Variants in SEMA4D observed in about 807,000 individuals in gnomAD.
The protein encoded by SEMA4D is semaphorin-4D.
Under a neutral mutation model 74.8 loss-of-function variants are expected in SEMA4D, and 22 were observed. That is an observed-to-expected ratio of 0.29 (90% CI 0.21 to 0.42). The LOEUF is 0.42. Among genes scored for constraint, SEMA4D ranks in the 10% least tolerant of loss-of-function variants. The probability of loss-of-function intolerance (pLI) is 1.00; values close to 1 mark genes in which losing one functional copy is unlikely to be tolerated. For missense variants in SEMA4D, 937 were observed against 1,118.4 expected, an observed-to-expected ratio of 0.84 and a Z score of 2.31; for synonymous variants, 445 against 463.7, an observed-to-expected ratio of 0.96 and a Z score of 0.52.
At chr9:89,371,701 GGGAT>G (rs1834880924) in intron 16 of SEMA4D, among the ~76,000 whole-genome samples, 1 of 95,274 alleles carries the variant, frequency 1.0e-5, no homozygotes, top group African/African-American at 4.4e-5. Flanking sequence ...TGATGTGTGT[GGGAT>G]GTGTCTGGGG....
At chr9:89,402,819 G>A in intron 4 of SEMA4D, 52 bp downstream of exon 4, 1 of 1,579,596 alleles carries the variant, frequency 6.3e-7, no homozygotes. Flanking sequence ...GCCAGGAGAG[G>A]CTGCCCACTC....
intron 2 of SEMA4D, among the ~76,000 whole-genome samples, chr9:89,412,210 C>G (rs1266707443): frequency 6.6e-6 from 1 of 152,126 alleles, no homozygotes; most frequent in Non-Finnish European, 1.5e-5. Flanking sequence ...GGGCCAGACC[C>G]GGAGAGGACA....
At chr9:89,396,292 T>C (rs1219307058) in intron 6 of SEMA4D, among the ~76,000 whole-genome samples, 1 of 152,182 alleles carries the variant, frequency 6.6e-6, no homozygotes, top group Non-Finnish European at 1.5e-5. Context: ...AAGTCCTGAC[T>C]TTTCCACCTG....
At chr9:89,377,234 A>C, downstream of SEMA4D, 1 of 822,170 alleles carries the variant, frequency 1.2e-6, no homozygotes, top group Non-Finnish European at 1.7e-6. Flanking sequence ...TCTTCCCCAA[A>C]TCAAGGATAG....
exon 19 of SEMA4D, chr9:89,361,651 A>G (rs539427645): frequency 1.1e-4 from 16 of 152,356 alleles, no homozygotes; most frequent in African/African-American, 3.6e-4. Context: ...TAATTGACCT[A>G]TTTGGCTTTC....
chr9:89,430,405 T>A (rs962363331), intron 2 of SEMA4D, among the ~76,000 whole-genome samples: 6 of 152,120 alleles, frequency 3.9e-5, no homozygotes, highest in Admixed American at 1.3e-4. Context: ...TGACTGCCTC[T>A]CTAGGGGTGG....
At chr9:89,388,539 G>A in intron 11 of SEMA4D, 97 bp downstream of exon 11, 1 of 1,455,174 alleles carries the variant, frequency 6.9e-7, no homozygotes, top group Non-Finnish European at 9.1e-7. Context: ...GGCGTGGCCA[G>A]GTACCCAGCC....
intron 13 of SEMA4D, among the ~76,000 whole-genome samples, chr9:89,383,378 G>A (rs1370543581): frequency 2.3e-4 from 35 of 152,182 alleles, no homozygotes; most frequent in Non-Finnish European, 2.9e-5. Flanking sequence ...GAGTCATACA[G>A]ATGCCCCATC....
intron 2 of SEMA4D, chr9:89,450,659 G>GAAAAAACAAAAAAAAAAAAAAAAAAAAAA (rs1564832883): frequency 2.6e-6 from 1 of 384,212 alleles, no homozygotes. Flanking sequence ...GAAAAACCCA[G>GAAAAAACAAAAAAAAAAAAAAAAAAAAAA]GAAAAAAAAA....
chr9:89,434,029 G>A (rs548439700), intron 2 of SEMA4D, among the ~76,000 whole-genome samples: 14 of 152,342 alleles, frequency 9.2e-5, no homozygotes, highest in South Asian at 8.3e-4. Flanking sequence ...GGACTGCCCC[G>A]CTCTGGGGAG....
At chr9:89,363,269 C>G (rs998189899) in intron 18 of SEMA4D, among the ~76,000 whole-genome samples, 1 of 151,972 alleles carries the variant, frequency 6.6e-6, no homozygotes, top group Non-Finnish European at 1.5e-5. Context: ...GTGGGATTTC[C>G]CCCCCCAGTG....
At chr9:89,476,874 G>A (rs1346375434) in intron 1 of SEMA4D, among the ~76,000 whole-genome samples, 1 of 152,118 alleles carries the variant, frequency 6.6e-6, no homozygotes, top group Admixed American at 6.5e-5. Context: ...GCCTGTGAAG[G>A]ATCTAGGCAC....
chr9:89,365,519 G>C (rs1223811041), intron 16 of SEMA4D: 5 of 152,234 alleles, frequency 3.3e-5, no homozygotes, highest in African/African-American at 7.2e-5. Context: ...ATGACACCTC[G>C]TAAGAATTGG....
chr9:89,378,066 G>A lies in SEMA4D; in HGVS notation c.*638C>T, dbSNP rs1465821897. ...GAAAGAATGCATTTAGCAAAAGGAA[G>A]TTTATCCCTGAGAATCTTAAGCAAC... On this transcript the variant is annotated 3_prime_UTR_variant, in exon 16 of 16. Coordinates refer to ENST00000422704, the MANE Select transcript of SEMA4D (RefSeq NM_001371194.2). 6.6e-6 allele frequency: 1 copy of A among 152,278 alleles called. No individual in the cohort carries two copies. Among genetic ancestry groups the A allele is most frequent in the Non-Finnish European group, 1.5e-5 (1 of 68,008 alleles). The allele number at this position is 152,278 out of a possible 1,614,324, so 9.4% of individuals were successfully genotyped here.
chr9:89,434,934 T>C (rs1426117842), intron 2 of SEMA4D, among the ~76,000 whole-genome samples: 1 of 152,224 alleles, frequency 6.6e-6, no homozygotes, highest in Admixed American at 6.5e-5. Context: ...CAATAGTTCT[T>C]GATTTTTTTC....
chr9:89,404,537 G>A (rs1842854330), intron 3 of SEMA4D, among the ~76,000 whole-genome samples: 1 of 108,776 alleles, frequency 9.2e-6, no homozygotes, highest in African/African-American at 2.7e-5. Flanking sequence ...AGGAAGTGGA[G>A]TTCCTGTCCC....
intron 16 of SEMA4D, chr9:89,364,951 C>CGG (rs979775892): frequency 1.7e-5 from 1 of 59,594 alleles, no homozygotes; most frequent in Non-Finnish European, 3.4e-5. Flanking sequence ...GGGTTTTGGG[C>CGG]GGGGGGGAGG....
downstream of SEMA4D, among the ~76,000 whole-genome samples, chr9:89,376,055 G>A (rs1419147290): frequency 6.6e-6 from 1 of 152,162 alleles, no homozygotes; most frequent in Non-Finnish European, 1.5e-5. Flanking sequence ...TCAAGCTGCT[G>A]TGAAACTCCT....
At chr9:89,406,611 C>A (rs1288840520) in intron 2 of SEMA4D, among the ~76,000 whole-genome samples, 1 of 152,234 alleles carries the variant, frequency 6.6e-6, no homozygotes, top group Non-Finnish European at 1.5e-5. Context: ...GCCAGCTGCA[C>A]CCCTGGGTTC....
Sources: allele counts gnomAD v4.1 joint callset (sites outside exome capture counted in the v4.1 genomes callset), GRCh38; gene constraint gnomAD v4.1.1; transcripts MANE v1.5; gene names NCBI Gene and HGNC (gene_info 2026-07-23, HGNC 2026-07-21).